MRPL43: variants seen among roughly 807,000 people sequenced by gnomAD.
MRPL43 encodes the protein large ribosomal subunit protein mL43.
In MRPL43, 9 loss-of-function variants were observed where a neutral mutation model predicts 12.7. The ratio of observed to expected loss-of-function variants is 0.71; its 90% confidence interval spans 0.43 to 1.24. The LOEUF (loss-of-function observed/expected upper bound fraction) is 1.24, where lower values mean the gene tolerates loss of function less well. Among genes scored for constraint, MRPL43 ranks in the 50% most tolerant of loss-of-function variants. The pLI, the probability that MRPL43 is intolerant of heterozygous loss-of-function variation, is 0.00. For synonymous variants in MRPL43, 116 were observed against 96.4 expected, an observed-to-expected ratio of 1.20 and a Z score of -1.19; for missense variants, 211 against 229.2, an observed-to-expected ratio of 0.92 and a Z score of 0.51.
chr10:100,980,347 G>GC, downstream of MRPL43: 1 of 1,612,598 alleles, frequency 6.2e-7, no homozygotes, highest in South Asian at 1.1e-5. Context: ...GGGCACAGGT[G>GC]CTTCTGATCC....
downstream of MRPL43, chr10:100,983,987 G>A: frequency 1.2e-6 from 2 of 1,612,864 alleles, no homozygotes. Context: ...TGCGGAGGAT[G>A]AATGGCAATA....
chr10:100,979,134 G>C (rs149549143), downstream of MRPL43: 1 of 1,614,190 alleles, frequency 6.2e-7, no homozygotes, highest in South Asian at 1.1e-5. Flanking sequence ...TCCTGCAGAA[G>C]AAGTGGACTT....
chr10:100,983,778 G>T, downstream of MRPL43: 1 of 1,608,872 alleles, frequency 6.2e-7, no homozygotes, highest in South Asian at 1.1e-5. Context: ...CCGGGCAGGA[G>T]GATCTGCGGT....
At chr10:100,979,779 C>T (rs946543474), downstream of MRPL43, 2 of 1,581,756 alleles carry the variant, frequency 1.3e-6, no homozygotes, top group Non-Finnish European at 1.7e-6. Flanking sequence ...GAGCTTCAGG[C>T]TGAGCACGAG....
At position 100,987,162 on chromosome 10, in the gene MRPL43, G is replaced by C; in HGVS notation, c.166C>G (p.Arg56Gly). ...FVEREVIDFA[R>G]RNPGVVIYVN... ...TATATTACGACCCCTGGATTCCGTC[G>C]GGCGAAGTCGATCACCTCCCGCTCC... is the stretch of plus-strand genomic sequence containing the variant. Residue 56 changes from arginine to glycine, a missense_variant, in exon 2 of 3, where the codon CGA (arginine) becomes GGA (glycine). Coordinates refer to ENST00000318364, the MANE Select transcript of MRPL43 (RefSeq NM_032112.3). 2 of 1,613,834 alleles carry C rather than the reference G, an allele frequency of 1.2e-6. No homozygotes were observed. The highest frequency in any genetic ancestry group is 1.7e-6 in the Non-Finnish European group (2 of 1,180,032).
At chr10:100,984,890 A>T (rs995448141), downstream of MRPL43, 20 of 1,467,340 alleles carry the variant, frequency 1.4e-5, no homozygotes, top group Non-Finnish European at 1.8e-5. Context: ...TCTCAAGAGT[A>T]TGAGAGACAG....
chr10:100,980,693 G>C (rs1395507326), downstream of MRPL43: 19 of 1,612,540 alleles, frequency 1.2e-5, no homozygotes, highest in Non-Finnish European at 1.6e-5. Flanking sequence ...CTCTATTGCA[G>C]GTAGCCCTTC....
At chr10:100,979,956 CT>C, downstream of MRPL43, 1 of 1,614,116 alleles carries the variant, frequency 6.2e-7, no homozygotes, top group Non-Finnish European at 8.5e-7. Flanking sequence ...GCTGGGGTCG[CT>C]ATGAGGGTGG....
downstream of MRPL43, chr10:100,984,679 C>A (rs1351283007): frequency 2.0e-6 from 3 of 1,536,270 alleles, no homozygotes; most frequent in Admixed American, 5.9e-5. Flanking sequence ...CTGGTGCATT[C>A]TTGTTTCATC....
downstream of MRPL43, chr10:100,980,609 G>C (rs200666280): frequency 3.8e-5 from 62 of 1,614,182 alleles, no homozygotes; most frequent in East Asian, 1.4e-3. Flanking sequence ...CCGTAGTCCT[G>C]GGCTCTGGGA....
chr10:100,984,749 A>C, downstream of MRPL43: 1 of 1,536,066 alleles, frequency 6.5e-7, no homozygotes, highest in Non-Finnish European at 8.7e-7. Context: ...CCTCTTCCCC[A>C]GCCCCATGTG....
chr10:100,980,997 G>GGTGGGAA (rs752410519), downstream of MRPL43: 3 of 1,593,086 alleles, frequency 1.9e-6, no homozygotes, highest in Admixed American at 5.2e-5. Context: ...CAGGGAAGCA[G>GGTGGGAA]GTGGGAAGTG....
chr10:100,978,546 C>A, downstream of MRPL43: 1 of 1,614,106 alleles, frequency 6.2e-7, no homozygotes. Flanking sequence ...TCTACACAGC[C>A]ACTAGGTATG....
At position 100,987,472 on chromosome 10, in the gene MRPL43, A is replaced by G. The variant is rs1384629805; in HGVS notation, c.-29T>C. On this transcript the variant is annotated 5_prime_UTR_variant, in exon 1 of 3. Transcript: ENST00000318364. ...TACAGCTTGGAGGCCGCGGAGCCTAAGCAGCGAGGAGAGGGGGGCGGGACT... is the reference window on the plus strand; with the variant it reads ...TACAGCTTGGAGGCCGCGGAGCCTAGGCAGCGAGGAGAGGGGGGCGGGACT... 6.2e-7 allele frequency: 1 copy of G among 1,607,770 alleles called. No individual in the cohort carries two copies. Among genetic ancestry groups the G allele is most frequent in the African/African-American group, 1.3e-5 (1 of 74,812 alleles).
chr10:100,980,377 G>T (rs1470241088), downstream of MRPL43: 6 of 1,586,602 alleles, frequency 3.8e-6, no homozygotes, highest in Non-Finnish European at 4.3e-6. Context: ...ATCCCTGTTG[G>T]CCCTGATCAC....
chr10:100,981,097 C>A, downstream of MRPL43: 1 of 1,607,298 alleles, frequency 6.2e-7, no homozygotes, highest in Non-Finnish European at 8.5e-7. Context: ...TAGTAACAGA[C>A]CTATCTACCC....
downstream of MRPL43, chr10:100,984,124 C>G: frequency 6.2e-7 from 1 of 1,607,890 alleles, no homozygotes; most frequent in East Asian, 2.2e-5. Context: ...GATGAGAGCT[C>G]TGTCTGAGCC....
At chr10:100,979,922 T>C (rs1342003827), downstream of MRPL43, 2 of 1,614,150 alleles carry the variant, frequency 1.2e-6, no homozygotes, top group Non-Finnish European at 1.7e-6. Flanking sequence ...GGACCCTATA[T>C]GGAATACCAG....
downstream of MRPL43, chr10:100,983,389 G>A (rs760851566): frequency 2.9e-5 from 46 of 1,611,360 alleles, no homozygotes; most frequent in South Asian, 3.9e-4. Flanking sequence ...AACCTGGCCC[G>A]GGCCTTGTGG....
Sources: allele counts gnomAD v4.1 joint callset, GRCh38; gene constraint gnomAD v4.1.1; transcripts MANE v1.5; gene names NCBI Gene and HGNC (gene_info 2026-07-23, HGNC 2026-07-21).